CACNA2D3: variants seen among roughly 807,000 people sequenced by gnomAD.
CACNA2D3 encodes calcium voltage-gated channel auxiliary subunit alpha2delta 3, also known as voltage-dependent calcium channel subunit alpha-2/delta-3.
CACNA2D3 carries 60 observed loss-of-function variants against 160.6 expected under a neutral mutation model. The observed-to-expected ratio is 0.37, with a 90% CI of 0.30 to 0.46. The LOEUF is 0.46. Among genes scored for constraint, CACNA2D3 ranks in the 20% least tolerant of loss-of-function variants. The pLI is 1.00. For missense variants in CACNA2D3, 1,205 were observed against 1,365.0 expected, an observed-to-expected ratio of 0.88 and a Z score of 1.85; for synonymous variants, 558 against 492.9, an observed-to-expected ratio of 1.13 and a Z score of -1.75.
At chr3:54,955,035 A>G (rs1276169199) in intron 27 of CACNA2D3, among the ~76,000 whole-genome samples, 1 of 152,232 alleles carries the variant, frequency 6.6e-6, no homozygotes, top group African/African-American at 2.4e-5. Flanking sequence ...CACCCTCTGA[A>G]GGTTTGCTGA....
At chr3:54,574,499 A>T (rs1702550488) in intron 8 of CACNA2D3, among the ~76,000 whole-genome samples, 1 of 152,230 alleles carries the variant, frequency 6.6e-6, no homozygotes, top group South Asian at 2.1e-4. Context: ...GCAAGGTATT[A>T]CAAGATCTAT....
chr3:54,843,607 G>C (rs914051878), intron 16 of CACNA2D3, among the ~76,000 whole-genome samples: 2 of 152,224 alleles, frequency 1.3e-5, no homozygotes, highest in Admixed American at 6.5e-5. Flanking sequence ...GAAAGGGGTT[G>C]TTAGTGGCTG....
chr3:54,567,217 T>G (rs1370579961), intron 6 of CACNA2D3, among the ~76,000 whole-genome samples: 1 of 152,214 alleles, frequency 6.6e-6, no homozygotes, highest in Non-Finnish European at 1.5e-5. Flanking sequence ...AGAAGACATT[T>G]TACAGCCAAG....
chr3:54,376,867 CTGGTAAACATT>C (rs2107553539), intron 3 of CACNA2D3, among the ~76,000 whole-genome samples: 1 of 152,306 alleles, frequency 6.6e-6, no homozygotes, highest in South Asian at 2.1e-4. Context: ...CTGAAGTTGC[CTGGTAAACATT>C]TGGTTGGATA....
chr3:54,471,823 C>T (rs1231657711), intron 4 of CACNA2D3, among the ~76,000 whole-genome samples: 1 of 152,146 alleles, frequency 6.6e-6, no homozygotes, highest in African/African-American at 2.4e-5. Flanking sequence ...AACTCCTGGA[C>T]ACATACACCC....
intron 2 of CACNA2D3, among the ~76,000 whole-genome samples, chr3:54,170,180 C>T (rs1252246945): frequency 2.7e-5 from 4 of 146,216 alleles, no homozygotes; most frequent in African/African-American, 1.0e-4. Flanking sequence ...ATAGAGTGAG[C>T]CTCCATCTCA....
intron 9 of CACNA2D3, among the ~76,000 whole-genome samples, chr3:54,601,112 T>C (rs973344669): frequency 1.3e-5 from 2 of 152,206 alleles, no homozygotes; most frequent in Admixed American, 6.5e-5. Flanking sequence ...GCATTTTGAC[T>C]TATTTACTTT....
chr3:54,215,123 G>A (rs1701437777), intron 2 of CACNA2D3, among the ~76,000 whole-genome samples: 1 of 152,110 alleles, frequency 6.6e-6, no homozygotes, highest in African/African-American at 2.4e-5. Flanking sequence ...GGAGCCTAGG[G>A]CCTTTTGGGT....
At chr3:54,274,381 G>A (rs1004380867) in intron 2 of CACNA2D3, among the ~76,000 whole-genome samples, 3 of 151,174 alleles carry the variant, frequency 2.0e-5, no homozygotes. Context: ...AGAGATCCTT[G>A]AGGCCCACTT....
intron 13 of CACNA2D3, among the ~76,000 whole-genome samples, chr3:54,805,754 G>T (rs1703105443): frequency 6.6e-6 from 1 of 152,134 alleles, no homozygotes; most frequent in Non-Finnish European, 1.5e-5. Context: ...AACCAAAAAA[G>T]AGAATTTTAG....
intron 3 of CACNA2D3, among the ~76,000 whole-genome samples, chr3:54,338,467 CTGTGTGTGTGTGTG>C (rs71074965): frequency 1.6e-3 from 225 of 136,530 alleles, no homozygotes; most frequent in African/African-American, 5.3e-3. Flanking sequence ...TCTCCCCTCC[CTGTGTGTGTGTGTG>C]TGTGTGTGTG....
At chr3:54,185,921 A>C (rs766683171) in intron 2 of CACNA2D3, among the ~76,000 whole-genome samples, 1 of 152,058 alleles carries the variant, frequency 6.6e-6, no homozygotes, top group Non-Finnish European at 1.5e-5. Context: ...CAGCCTCCCT[A>C]ACTTGCCTTA....
intron 2 of CACNA2D3, among the ~76,000 whole-genome samples, chr3:54,143,775 A>C (rs1210072028): frequency 6.6e-5 from 10 of 152,220 alleles, no homozygotes; most frequent in African/African-American, 2.2e-4. Context: ...CTGGAATTAC[A>C]GGCATGAGCC....
intron 10 of CACNA2D3, among the ~76,000 whole-genome samples, chr3:54,635,656 C>G (rs1472920671): frequency 6.6e-6 from 1 of 151,884 alleles, no homozygotes; most frequent in African/African-American, 2.4e-5. Context: ...AAAGTATTGT[C>G]CAGTCCTTTT....
At chr3:55,040,637 A>T (rs528706725) in intron 35 of CACNA2D3, among the ~76,000 whole-genome samples, 79 of 152,242 alleles carry the variant, frequency 5.2e-4, no homozygotes, top group South Asian at 3.7e-3. Context: ...ATGATCTATG[A>T]TCATGCCACT....
chr3:54,421,241 A>G (rs1006475379), intron 4 of CACNA2D3, among the ~76,000 whole-genome samples: 12 of 152,234 alleles, frequency 7.9e-5, no homozygotes, highest in Non-Finnish European at 7.3e-5. Context: ...TGTAGAAGAC[A>G]AATCTTTCCT....
At chr3:55,073,720 C>G (rs1704874080) in intron 36 of CACNA2D3, 57 bp from the exon 37 acceptor site, 1 of 1,470,214 alleles carries the variant, frequency 6.8e-7, no homozygotes, top group South Asian at 1.2e-5. Context: ...ATTTTGACCT[C>G]TGAAATGCAG....
chr3:54,623,222 G>A (rs1699028861), intron 9 of CACNA2D3, among the ~76,000 whole-genome samples: 1 of 152,212 alleles, frequency 6.6e-6, no homozygotes, highest in African/African-American at 2.4e-5. Flanking sequence ...GCTCCTCCAT[G>A]TGGGCTTTGC....
chr3:54,526,922 C>T (rs2106637505), intron 5 of CACNA2D3, among the ~76,000 whole-genome samples: 1 of 152,342 alleles, frequency 6.6e-6, no homozygotes, highest in African/African-American at 2.4e-5. Flanking sequence ...AACTGCTGAT[C>T]TCAGGTGATC....
Sources: allele counts gnomAD v4.1 joint callset (sites outside exome capture counted in the v4.1 genomes callset), GRCh38; gene constraint gnomAD v4.1.1; transcripts MANE v1.5; gene names NCBI Gene and HGNC (gene_info 2026-07-23, HGNC 2026-07-21).